Variants in PITPNC1 observed in about 807,000 individuals in gnomAD.
The protein encoded by PITPNC1 is phosphatidylinositol transfer protein cytoplasmic 1, also known as cytoplasmic phosphatidylinositol transfer protein 1.
Under a neutral mutation model 44.7 loss-of-function variants are expected in PITPNC1, and 18 were observed. That is an observed-to-expected ratio of 0.40 (90% CI 0.28 to 0.60). The LOEUF is 0.60. Among genes scored for constraint, PITPNC1 ranks in the 20% least tolerant of loss-of-function variants. The probability of loss-of-function intolerance (pLI) is 0.39; values close to 1 mark genes in which losing one functional copy is unlikely to be tolerated. For synonymous variants in PITPNC1, 141 were observed against 149.6 expected (o/e 0.94, Z 0.42); for missense variants, 290 against 418.4 (o/e 0.69, Z 2.68).
intron 1 of PITPNC1, among the ~76,000 whole-genome samples, chr17:67,514,131 G>A (rs1336703381): frequency 1.3e-5 from 2 of 152,074 alleles, no homozygotes; most frequent in African/African-American, 2.4e-5. Flanking sequence ...TGTGGGGAGG[G>A]GGACACCAAC....
intron 4 of PITPNC1, among the ~76,000 whole-genome samples, chr17:67,564,160 G>C (rs2040943011): frequency 9.4e-6 from 1 of 106,142 alleles, no homozygotes; most frequent in Non-Finnish European, 2.1e-5. Context: ...AGGTAGATTG[G>C]GTGGATGGAT....
chr17:67,564,239 T>A (rs1458724928), intron 4 of PITPNC1, among the ~76,000 whole-genome samples: 1 of 152,002 alleles, frequency 6.6e-6, no homozygotes, highest in Non-Finnish European at 1.5e-5. Flanking sequence ...CTCACATGAT[T>A]AGGGAAGCTG....
intron 1 of PITPNC1, among the ~76,000 whole-genome samples, chr17:67,389,833 C>G (rs1271952618): frequency 1.3e-5 from 2 of 152,082 alleles, no homozygotes; most frequent in African/African-American, 2.4e-5. Context: ...GCACGTGCCA[C>G]CACGCCCGGC....
At chr17:67,633,749 C>G (rs1357907217) in intron 6 of PITPNC1, among the ~76,000 whole-genome samples, 1 of 152,276 alleles carries the variant, frequency 6.6e-6, no homozygotes, top group Admixed American at 6.5e-5. Context: ...TAATGGGGCT[C>G]TGATGATGCG....
rs551449259 is a variant in PITPNC1, at chr17:67,482,083, A to G, written c.49-50719A>G. Among the ~76,000 whole-genome samples the G allele has an allele frequency of 7.3e-4, 103 of 141,842 alleles. No homozygotes were observed. The South Asian group carries it at 0.023, about 32-fold the overall frequency. The allele number at this position is 141,842 out of a possible 152,430, so 93.1% of individuals were successfully genotyped here. A position where few individuals can be genotyped will look rare whatever the true frequency, so the allele number is the denominator to read the frequency against. ...CCTTACAACACAGAGGAACTGAATC[A>G]TATTTTCCTACTGACTGACTAACAG... On this transcript the variant is annotated intron_variant, in intron 1 of 8. Coordinates refer to ENST00000581322, the MANE Select transcript of PITPNC1 (RefSeq NM_012417.4).
rs1268686418 is a variant in PITPNC1 at position 67,508,531 on chromosome 17, GT to G, written c.49-24264del. On this transcript the variant is annotated intron_variant, in intron 1 of 8. Coordinates refer to ENST00000581322, the MANE Select transcript of PITPNC1 (RefSeq NM_012417.4). This position sits in a 1 kb window ranked among gnomAD's most constrained non-coding sequence, Gnocchi z 4.2. ...TACCTGGGTTCTCTACTGCAAACCT[GT>G]TTTTTTATGACCTGTATCTCACGCC... Among the ~76,000 whole-genome samples, 1 of 152,132 alleles carries G rather than the reference GT, an allele frequency of 6.6e-6. No individual in the cohort carries two copies. The highest frequency in any genetic ancestry group is 1.5e-5 in the Non-Finnish European group (1 of 68,022).
intron 1 of PITPNC1, among the ~76,000 whole-genome samples, chr17:67,507,881 G>A (rs2949938): frequency 0.13 from 19,908 of 151,418 alleles, 1,868 homozygotes; most frequent in African/African-American, 0.26. Context: ...AGTGCCCATC[G>A]CTCCATGGCT....
chr17:67,626,942 ATC>A (rs1385448499), intron 5 of PITPNC1, among the ~76,000 whole-genome samples: 2 of 152,120 alleles, frequency 1.3e-5, no homozygotes, highest in Non-Finnish European at 2.9e-5. Context: ...ACCTATGAAC[ATC>A]TCTTAAGCTC....
intron 1 of PITPNC1, among the ~76,000 whole-genome samples, chr17:67,404,478 T>G (rs1388694134): frequency 6.6e-6 from 1 of 152,160 alleles, no homozygotes; most frequent in Non-Finnish European, 1.5e-5. Flanking sequence ...AGAACCTAGA[T>G]GAGAATGTGT....
In PITPNC1 at chr17:67,585,838, C is replaced by T. The variant is rs1451778355; in HGVS notation, c.366+7581C>T. ...ACAAGCAGACTCTTTGGGTGCAACACGTGAAGACGTAGGGAGAAGGCAGCC... is the reference window on the plus strand; with the variant it reads ...ACAAGCAGACTCTTTGGGTGCAACATGTGAAGACGTAGGGAGAAGGCAGCC... On this transcript the variant is annotated intron_variant, in intron 5 of 8. Transcript: ENST00000581322. 9.2e-5 allele frequency among the ~76,000 whole-genome samples: 14 copies of T among 152,270 alleles called. No individual in the cohort carries two copies. In the South Asian group the frequency reaches 1.5e-3, roughly 16 times the overall value.
chr17:67,538,464 G>A (rs972150764), intron 2 of PITPNC1, among the ~76,000 whole-genome samples: 9 of 152,320 alleles, frequency 5.9e-5, no homozygotes, highest in African/African-American at 1.7e-4. Context: ...GCCAGGTGTG[G>A]TGGCACACAG....
chr17:67,420,956 C>G (rs868197249), intron 1 of PITPNC1, among the ~76,000 whole-genome samples: 1 of 152,136 alleles, frequency 6.6e-6, no homozygotes, highest in Admixed American at 6.6e-5. Flanking sequence ...TAGAATTTCA[C>G]CAGCCATGAA....
chr17:67,578,324 G>GT, intron 5 of PITPNC1, 67 bp downstream of exon 5: 1 of 1,064,474 alleles, frequency 9.4e-7, no homozygotes, highest in African/African-American at 1.5e-5. Context: ...ACTTCTCACA[G>GT]CCCCTCTGTG....
At chr17:67,464,577 T>A (rs2039395958) in intron 1 of PITPNC1, among the ~76,000 whole-genome samples, 1 of 152,132 alleles carries the variant, frequency 6.6e-6, no homozygotes, top group Non-Finnish European at 1.5e-5. Flanking sequence ...CCCGTAAAAA[T>A]CTTTCAACAC....
chr17:67,482,352 G>GT (rs912155098), intron 1 of PITPNC1, among the ~76,000 whole-genome samples: 1 of 151,992 alleles, frequency 6.6e-6, no homozygotes. Context: ...AGCATAGAGA[G>GT]TTTTTTTTCC....
rs34458518 is a variant in PITPNC1 at position 67,673,966 on chromosome 17, C to CA, written c.619-1490dup. Among the ~76,000 whole-genome samples the CA allele has an allele frequency of 4.1e-3, 347 of 84,736 alleles. 3 individuals carry two copies. Among genetic ancestry groups the CA allele is most frequent in the Admixed American group, 4.6e-3 (29 of 6,308 alleles). 55.6% of individuals were successfully genotyped at this position (84,736 alleles called of 152,430 possible). ...TAGGGGACAGAGCGAGACTCCGTCT[C>CA]AAAAAAAAAAAAAAAAAAAAAAAGA... On this transcript the variant is annotated intron_variant, in intron 7 of 8. Coordinates refer to ENST00000581322, the MANE Select transcript of PITPNC1 (RefSeq NM_012417.4).
chr17:67,474,503 T>TA (rs1446877132), intron 1 of PITPNC1, among the ~76,000 whole-genome samples: 1 of 152,090 alleles, frequency 6.6e-6, no homozygotes, highest in African/African-American at 2.4e-5. Flanking sequence ...CTCTACCCTC[T>TA]AGATGCTTTA....
At chr17:67,446,253 C>T (rs1448151449) in intron 1 of PITPNC1, among the ~76,000 whole-genome samples, 2 of 151,726 alleles carry the variant, frequency 1.3e-5, no homozygotes, top group Non-Finnish European at 2.9e-5. Context: ...CCTTCTTTGA[C>T]TGATTCTTCT....
intron 1 of PITPNC1, among the ~76,000 whole-genome samples, chr17:67,415,909 CT>C (rs1181028864): frequency 1.8e-5 from 2 of 110,718 alleles, no homozygotes; most frequent in East Asian, 2.1e-4. Context: ...TCACGCTTAC[CT>C]AAAAAAAAAA....
Sources: allele counts gnomAD v4.1 joint callset (sites outside exome capture counted in the v4.1 genomes callset), GRCh38; gene constraint gnomAD v4.1.1; non-coding constraint Gnocchi (gnomAD v3.1); transcripts MANE v1.5; gene names NCBI Gene and HGNC (gene_info 2026-07-23, HGNC 2026-07-21).